The following OTOG variants were observed in gnomAD, a reference collection of about 807,000 sequenced individuals.
The protein encoded by OTOG is otogelin.
In OTOG, 296 loss-of-function variants were observed where a neutral mutation model predicts 313.8. The ratio of observed to expected loss-of-function variants is 0.94; its 90% CI spans 0.86 to 1.04. The LOEUF (loss-of-function observed/expected upper bound fraction) is 1.04. Among genes scored for constraint, OTOG ranks in the 50% least tolerant of loss-of-function variants. The pLI is 0.00. For missense variants in OTOG, 3,948 were observed against 3,840.1 expected (o/e 1.03, Z -0.74); for synonymous variants, 1,533 against 1,554.9 (o/e 0.99, Z 0.33).
intron 27 of OTOG, 131 bp from the exon 28 acceptor site, chr11:17,593,916 C>A (rs953908984): frequency 3.6e-6 from 5 of 1,403,484 alleles, no homozygotes; most frequent in South Asian, 2.8e-5. Flanking sequence ...ATTGCTCCAT[C>A]CCTCTTCAAA....
chr11:17,581,762 G>A (rs905335075), intron 23 of OTOG, among the ~76,000 whole-genome samples: 3 of 152,060 alleles, frequency 2.0e-5, no homozygotes, highest in Non-Finnish European at 4.4e-5. Flanking sequence ...CCTAATGTTG[G>A]CGCCCTATAT....
intron 25 of OTOG, among the ~76,000 whole-genome samples, 176 bp downstream of exon 25, chr11:17,591,764 AC>A (rs1852944713): frequency 6.6e-6 from 1 of 152,138 alleles, no homozygotes; most frequent in Non-Finnish European, 1.5e-5. Context: ...GATGGAGCTC[AC>A]CAGTCCTGAG....
chr11:17,644,194 T>G (rs1200094742), intron 54 of OTOG, among the ~76,000 whole-genome samples: 1 of 152,256 alleles, frequency 6.6e-6, no homozygotes, highest in African/African-American at 2.4e-5. Context: ...CCCGCTCACC[T>G]GGCACCCACC....
chr11:17,643,091 A>C (rs999858037), intron 53 of OTOG, among the ~76,000 whole-genome samples: 40 of 152,226 alleles, frequency 2.6e-4, no homozygotes, highest in African/African-American at 9.4e-4. Flanking sequence ...TCCAGGGCTG[A>C]GGTAGAGCCC....
chr11:17,559,513 C>G, intron 11 of OTOG, 21 bp from the exon 12 acceptor site: 1 of 1,550,498 alleles, frequency 6.4e-7, no homozygotes, highest in Non-Finnish European at 8.7e-7. Context: ...GCTGAGAGAC[C>G]ATGGATCCCT....
chr11:17,613,706 G>A lies in OTOG; in HGVS notation c.6528+5G>A, dbSNP rs754163426. 2.6e-6 allele frequency: 4 copies of A among 1,550,002 alleles called. No homozygotes were observed. In the African/African-American group the frequency reaches 4.1e-5, roughly 16 times the overall value. On this transcript the variant is annotated splice_donor_5th_base_variant and intron_variant, in intron 39 of 55. Coordinates refer to ENST00000399397, the MANE Select transcript of OTOG (RefSeq NM_001292063.2). ...ATTGATCGCTTCAACCGAAAGGTGA[G>A]TGCATCAAACAGCCAGCCTCCAGGG...
At chr11:17,625,801 C>G (rs1301858217) in intron 39 of OTOG, among the ~76,000 whole-genome samples, 2 of 152,086 alleles carry the variant, frequency 1.3e-5, no homozygotes, top group Non-Finnish European at 2.9e-5. Context: ...AGCTTTTTAA[C>G]TTGATGTGAT....
At chr11:17,627,585 C>A (rs971312772) in intron 39 of OTOG, among the ~76,000 whole-genome samples, 5 of 152,082 alleles carry the variant, frequency 3.3e-5, no homozygotes, top group Non-Finnish European at 1.5e-5. Flanking sequence ...GTTTTTGTAT[C>A]AGAGTAACAC....
chr11:17,593,196 A>T lies in OTOG; in HGVS notation c.3010A>T (p.Thr1004Ser). The T allele has an allele frequency of 1.3e-6, 2 of 1,550,080 alleles. No homozygotes were observed. Among genetic ancestry groups the T allele is most frequent in the Non-Finnish European group, 1.7e-6 (2 of 1,146,574 alleles). Residue 1004 changes from threonine to serine, a missense_variant, in exon 26 of 56, where the codon ACA becomes TCA. Thr to Ser is a moderately conservative substitution (Grantham distance 58, BLOSUM62 1). Coordinates refer to ENST00000399397, the MANE Select transcript of OTOG (RefSeq NM_001292063.2). The part of the protein sequence containing the change: ...GACKVHLVKS[T>S]SDVSFSVIVE... The stretch of plus-strand genomic sequence containing the variant: ...GACTCACTTATTCTCTCCTCAGAGC[A>T]CATCAGATGTCAGCTTCTCTGTGAT...
At position 17,645,965 on chromosome 11, in the gene OTOG, C is replaced by T. The variant is rs962096138; in HGVS notation, c.*21C>T. 1.9e-6 allele frequency: 3 copies of T among 1,544,552 alleles called. No individual in the cohort carries two copies. The highest frequency in any genetic ancestry group is 2.6e-6 in the Non-Finnish European group (3 of 1,145,718). ...CCTGAGGCCTGGGGGCCCGGGCTAG[C>T]TGGACCACCTCTGCCAGCCCCACTT... On this transcript the variant is annotated 3_prime_UTR_variant, in exon 56 of 56. Coordinates refer to ENST00000399397, the MANE Select transcript of OTOG (RefSeq NM_001292063.2).
At chr11:17,613,528 G>A in intron 38 of OTOG, 84 bp from the exon 39 acceptor site, 3 of 1,141,412 alleles carry the variant, frequency 2.6e-6, no homozygotes, top group Non-Finnish European at 3.9e-6. Context: ...AGGGGAGACT[G>A]TACTCACATT....
intron 15 of OTOG, among the ~76,000 whole-genome samples, chr11:17,564,077 G>A (rs1852250654): frequency 6.6e-6 from 1 of 152,106 alleles, no homozygotes; most frequent in Admixed American, 6.5e-5. Flanking sequence ...GTGGGACAGT[G>A]CCTCTTGACA....
At chr11:17,599,926 G>C (rs1853208152) in intron 31 of OTOG, among the ~76,000 whole-genome samples, 1 of 152,224 alleles carries the variant, frequency 6.6e-6, no homozygotes, top group South Asian at 2.1e-4. Context: ...GCCCAGGCAG[G>C]CCAGCTCCCG....
At chr11:17,594,393 C>T (rs374481989) in intron 28 of OTOG, among the ~76,000 whole-genome samples, 1 of 152,180 alleles carries the variant, frequency 6.6e-6, no homozygotes, top group Non-Finnish European at 1.5e-5. Context: ...GGACCAAGCC[C>T]TGGTAGGGTG....
chr11:17,578,191 A>C, intron 22 of OTOG, 182 bp from the exon 23 acceptor site: 1 of 1,319,050 alleles, frequency 7.6e-7, no homozygotes, highest in Non-Finnish European at 9.7e-7. Flanking sequence ...TGTGACAGAC[A>C]GCACACATCT....
intron 39 of OTOG, among the ~76,000 whole-genome samples, chr11:17,624,839 T>A (rs1167091307): frequency 6.6e-6 from 1 of 152,182 alleles, no homozygotes; most frequent in Non-Finnish European, 1.5e-5. Context: ...ATTTGAGCAG[T>A]GTTTTGTAGT....
intron 23 of OTOG, among the ~76,000 whole-genome samples, chr11:17,583,330 C>T (rs10766412): frequency 0.3 from 45,360 of 151,724 alleles, 8,295 homozygotes; most frequent in African/African-American, 0.53. Context: ...GAGATGGGGG[C>T]TTTGCTATGT....
rs11823045 is a variant in OTOG, at chr11:17,552,020, C to T, written c.237C>T (p.Ser79=). 45,455 of 1,550,372 alleles carry T rather than the reference C, an allele frequency of 0.029. 3,658 individuals are homozygous for T. In the African/African-American group the frequency reaches 0.3, roughly 10 times the overall value. ...ACAAGCAGGCTGAAGCCCCAGACTC[C>T]GTGGCCATGTCTTCCTGGGAAAGGC... The part of the protein sequence containing the change: ...VGGQQAEAPD[S]VAMSSWERRL... The change falls in exon 4 of 56, where the codon TCC becomes TCT. Residue 79 remains serine, a synonymous_variant. Transcript: ENST00000399397.
At chr11:17,595,233 T>C (rs1436155742) in intron 28 of OTOG, among the ~76,000 whole-genome samples, 2 of 152,080 alleles carry the variant, frequency 1.3e-5, no homozygotes, top group Non-Finnish European at 1.5e-5. Context: ...CACACCCCCA[T>C]TTTAGAGAAG....
Sources: allele counts gnomAD v4.1 joint callset (sites outside exome capture counted in the v4.1 genomes callset), GRCh38; gene constraint gnomAD v4.1.1; transcripts MANE v1.5; gene names NCBI Gene and HGNC (gene_info 2026-07-23, HGNC 2026-07-21).